The following SPATS2 variants were observed in gnomAD, a reference collection of about 807,000 sequenced individuals.
SPATS2 encodes the protein spermatogenesis-associated serine-rich protein 2.
A neutral mutation model predicts 63.7 loss-of-function variants in SPATS2; 38 were observed. The observed-to-expected ratio is 0.60, with a 90% CI of 0.46 to 0.78. The LOEUF (loss-of-function observed/expected upper bound fraction) is 0.78, where lower values mean the gene tolerates loss of function less well. Ranked by LOEUF, SPATS2 falls within the 30% of genes least tolerant of loss-of-function variation. SPATS2 has a pLI of 0.00. For missense variants in SPATS2, 588 were observed against 666.2 expected (o/e 0.88, Z 1.29); for synonymous variants, 207 against 232.9 (o/e 0.89, Z 1.01).
chr12:49,482,012 G>A (rs1946214799), intron 3 of SPATS2, among the ~76,000 whole-genome samples: 1 of 152,100 alleles, frequency 6.6e-6, no homozygotes, highest in Admixed American at 6.5e-5. Flanking sequence ...GTATTGATGG[G>A]AATTAAAAAT....
chr12:49,476,536 T>C (rs1592437194), intron 3 of SPATS2, among the ~76,000 whole-genome samples: 1 of 152,104 alleles, frequency 6.6e-6, no homozygotes, highest in African/African-American at 2.4e-5. Flanking sequence ...CTATGGATGG[T>C]AGGTTGCTAA....
chr12:49,456,505 G>T (rs1274590031), intron 2 of SPATS2, among the ~76,000 whole-genome samples: 3 of 152,222 alleles, frequency 2.0e-5, no homozygotes, highest in Non-Finnish European at 2.9e-5. Context: ...TATTTTGAAT[G>T]AAATGGGGAG....
chr12:49,499,154 C>T (rs369774151), intron 8 of SPATS2, among the ~76,000 whole-genome samples: 13 of 152,158 alleles, frequency 8.5e-5, no homozygotes, highest in East Asian at 5.8e-4. Flanking sequence ...GTGTCATTTC[C>T]GCATCTGCCT....
intron 8 of SPATS2, among the ~76,000 whole-genome samples, chr12:49,498,603 ACTG>A: frequency 1.3e-5 from 2 of 152,106 alleles, no homozygotes; most frequent in Middle Eastern, 6.8e-3. Context: ...AGTTTGTAAA[ACTG>A]CTGTCTTCAA....
chr12:49,497,783 A>G (rs1341201764), intron 8 of SPATS2, among the ~76,000 whole-genome samples: 1 of 152,088 alleles, frequency 6.6e-6, no homozygotes, highest in Non-Finnish European at 1.5e-5. Context: ...TCTAGCTTAG[A>G]AAAAGTAAGG....
chr12:49,370,738 A>G (rs1943982484), intron 1 of SPATS2, among the ~76,000 whole-genome samples: 1 of 152,162 alleles, frequency 6.6e-6, no homozygotes, highest in African/African-American at 2.4e-5. Flanking sequence ...TTCCCGCCTC[A>G]GCTTCCAGAG....
intron 3 of SPATS2, among the ~76,000 whole-genome samples, chr12:49,467,044 G>GTTT (rs59350335): frequency 2.0e-4 from 15 of 75,768 alleles, no homozygotes; most frequent in East Asian, 3.9e-4. Flanking sequence ...TTTGTTCTTT[G>GTTT]TTTTTTTTTT....
chr12:49,522,661 T>C (rs1946960793), intron 11 of SPATS2, 90 bp from the exon 12 acceptor site: 1 of 1,022,242 alleles, frequency 9.8e-7, no homozygotes, highest in East Asian at 2.6e-5. Flanking sequence ...AAAAGACAAT[T>C]GAAAATGATT....
chr12:49,437,234 C>T (rs1202831765), intron 2 of SPATS2, among the ~76,000 whole-genome samples: 9 of 140,704 alleles, frequency 6.4e-5, no homozygotes, highest in South Asian at 4.7e-4. Context: ...CCAGACGGGG[C>T]GGCAGGGCAG....
intron 2 of SPATS2, among the ~76,000 whole-genome samples, chr12:49,434,532 T>C (rs1409578056): frequency 6.6e-6 from 1 of 152,176 alleles, no homozygotes; most frequent in Non-Finnish European, 1.5e-5. Flanking sequence ...TTCCGATAAA[T>C]ATAAAAACTT....
chr12:49,389,704 C>A, intron 2 of SPATS2: 2 of 1,550,902 alleles, frequency 1.3e-6, no homozygotes, highest in Non-Finnish European at 1.8e-6. Flanking sequence ...CGGCCACGGT[C>A]CACGTTAGTT....
At chr12:49,380,030 A>G (rs894970514) in intron 2 of SPATS2, among the ~76,000 whole-genome samples, 1 of 152,126 alleles carries the variant, frequency 6.6e-6, no homozygotes, top group Non-Finnish European at 1.5e-5. Flanking sequence ...CCTTCTGTCT[A>G]TGTGGATGTA....
At chr12:49,503,801 CAGTTCCGGGAGAG>C (rs938009895) in intron 9 of SPATS2, among the ~76,000 whole-genome samples, 1 of 152,170 alleles carries the variant, frequency 6.6e-6, no homozygotes, top group Non-Finnish European at 1.5e-5. Flanking sequence ...GCAGGAAACG[CAGTTCCGGGAGAG>C]AGATTTGTGA....
intron 2 of SPATS2, among the ~76,000 whole-genome samples, chr12:49,405,631 AGAGGTTGCAGTTAGCC>A (rs1462472650): frequency 6.6e-6 from 1 of 151,766 alleles, no homozygotes; most frequent in Non-Finnish European, 1.5e-5. Context: ...CCCGGGAGGT[AGAGGTTGCAGTTAGCC>A]GAGGTTGCAG....
chr12:49,472,400 T>A (rs1271370169), intron 3 of SPATS2, among the ~76,000 whole-genome samples: 1 of 151,628 alleles, frequency 6.6e-6, no homozygotes, highest in Non-Finnish European at 1.5e-5. Flanking sequence ...AGTACATTAT[T>A]ACATATAGAA....
At chr12:49,493,877 G>A (rs1946423657) in intron 6 of SPATS2, among the ~76,000 whole-genome samples, 1 of 151,882 alleles carries the variant, frequency 6.6e-6, no homozygotes. Context: ...ATATATCTTG[G>A]AGCTTATTCC....
chr12:49,409,015 T>C (rs1350163839), intron 2 of SPATS2, among the ~76,000 whole-genome samples: 1 of 150,128 alleles, frequency 6.7e-6, no homozygotes, highest in East Asian at 1.9e-4. Context: ...CAGTCAATTA[T>C]GCTAAAGTTG....
At chr12:49,395,871 T>G (rs765796827) in intron 2 of SPATS2, among the ~76,000 whole-genome samples, 1 of 152,252 alleles carries the variant, frequency 6.6e-6, no homozygotes, top group Non-Finnish European at 1.5e-5. Flanking sequence ...TTAGCTTGTG[T>G]AACTGAAACT....
intron 2 of SPATS2, among the ~76,000 whole-genome samples, chr12:49,413,329 G>A (rs1224937862): frequency 6.6e-6 from 1 of 152,082 alleles, no homozygotes; most frequent in Non-Finnish European, 1.5e-5. Context: ...TTTTCGTGTA[G>A]TCACTCCAGC....
Sources: gnomAD v4.1 joint callset for allele counts (sites outside exome capture counted in the v4.1 genomes callset) on GRCh38, gnomAD v4.1.1 for gene constraint, MANE v1.5 for transcripts, NCBI Gene and HGNC (gene_info 2026-07-23, HGNC 2026-07-21) for gene names.